The following NOL4 variants were observed in gnomAD, a reference collection of about 807,000 sequenced individuals.
NOL4 encodes nucleolar protein 4.
NOL4 carries 17 observed loss-of-function variants against 75.9 expected under a neutral mutation model. The observed-to-expected ratio is 0.22, with a 90% confidence interval of 0.15 to 0.34. NOL4 has a LOEUF of 0.34. Among genes scored for constraint, NOL4 ranks in the 10% least tolerant of loss-of-function variants. The pLI, the probability that NOL4 is intolerant of heterozygous loss-of-function variation, is 1.00. For synonymous variants in NOL4, 292 were observed against 289.9 expected (o/e 1.01, Z -0.07); for missense variants, 614 against 793.5 (o/e 0.77, Z 2.72).
chr18:34,150,353 T>C (rs2081588128), intron 1 of NOL4, among the ~76,000 whole-genome samples: 1 of 151,680 alleles, frequency 6.6e-6, no homozygotes. Flanking sequence ...ACTATAAAGC[T>C]GTGGTAATCA....
At chr18:34,148,179 T>G (rs2081487549) in intron 1 of NOL4, among the ~76,000 whole-genome samples, 1 of 151,924 alleles carries the variant, frequency 6.6e-6, no homozygotes, top group African/African-American at 2.4e-5. Context: ...TAGATTCATT[T>G]ATTTTTTGAA....
At chr18:34,209,082 G>T (rs1243873950) in intron 1 of NOL4, among the ~76,000 whole-genome samples, 1 of 149,430 alleles carries the variant, frequency 6.7e-6, no homozygotes, top group Non-Finnish European at 1.5e-5. Context: ...GTGATGGTGG[G>T]TGCCTGTAAT....
At chr18:33,945,487 C>G (rs2068774380) in intron 8 of NOL4, among the ~76,000 whole-genome samples, 1 of 151,640 alleles carries the variant, frequency 6.6e-6, no homozygotes, top group South Asian at 2.1e-4. Context: ...TCAACTTCTA[C>G]TAAAGCAGTA....
At chr18:34,069,896 C>T (rs2077436771) in intron 5 of NOL4, among the ~76,000 whole-genome samples, 1 of 152,222 alleles carries the variant, frequency 6.6e-6, no homozygotes, top group Non-Finnish European at 1.5e-5. Flanking sequence ...GTCCTGCCTC[C>T]AACTTAGGAC....
chr18:34,133,974 G>A (rs920465616), intron 1 of NOL4, among the ~76,000 whole-genome samples: 9 of 152,134 alleles, frequency 5.9e-5, no homozygotes, highest in African/African-American at 2.2e-4. Context: ...AATGAGCTGA[G>A]ATCACGCCAC....
intron 6 of NOL4, among the ~76,000 whole-genome samples, chr18:33,992,022 T>A (rs1051446877): frequency 6.7e-6 from 1 of 148,286 alleles, no homozygotes; most frequent in African/African-American, 2.6e-5. Context: ...TGTGCATAGA[T>A]CTTCTTTAAA....
chr18:34,135,193 G>A (rs1205599067), intron 1 of NOL4, among the ~76,000 whole-genome samples: 4 of 151,680 alleles, frequency 2.6e-5, no homozygotes, highest in African/African-American at 9.7e-5. Flanking sequence ...GAGGAGGGAA[G>A]ACTCAAATTA....
chr18:34,187,220 T>G (rs1222975829), intron 1 of NOL4, among the ~76,000 whole-genome samples: 1 of 152,154 alleles, frequency 6.6e-6, no homozygotes, highest in Non-Finnish European at 1.5e-5. Context: ...TAACAACCAC[T>G]GATACTTTTT....
chr18:34,066,702 C>G (rs1408711917), intron 5 of NOL4, among the ~76,000 whole-genome samples: 1 of 142,526 alleles, frequency 7.0e-6, no homozygotes, highest in East Asian at 2.0e-4. Flanking sequence ...AAAAAAAAAA[C>G]AACACTGAAG....
intron 10 of NOL4, among the ~76,000 whole-genome samples, chr18:33,868,030 A>G (rs1425192527): frequency 2.0e-5 from 3 of 149,702 alleles, no homozygotes; most frequent in Admixed American, 1.3e-4. Flanking sequence ...TACTCGGTCT[A>G]CTGATTCTTT....
intron 1 of NOL4, among the ~76,000 whole-genome samples, chr18:34,169,852 C>T (rs2032841189): frequency 6.6e-6 from 1 of 152,056 alleles, no homozygotes; most frequent in Non-Finnish European, 1.5e-5. Flanking sequence ...TAAGGAACTT[C>T]CTTATCAGAA....
At chr18:33,903,581 T>C (rs2065865116) in intron 9 of NOL4, among the ~76,000 whole-genome samples, 1 of 152,152 alleles carries the variant, frequency 6.6e-6, no homozygotes, top group Admixed American at 6.6e-5. Flanking sequence ...TGGGAAAAGA[T>C]GACAATCAAA....
At chr18:34,050,973 C>A (rs1410939090) in intron 5 of NOL4, among the ~76,000 whole-genome samples, 1 of 152,026 alleles carries the variant, frequency 6.6e-6, no homozygotes, top group Non-Finnish European at 1.5e-5. Context: ...TGAACACAGA[C>A]TCTAATGACA....
intron 2 of NOL4, among the ~76,000 whole-genome samples, chr18:34,109,037 GA>G (rs2079456208): frequency 1.3e-5 from 2 of 151,812 alleles, no homozygotes; most frequent in South Asian, 4.2e-4. Context: ...AATAATAGAA[GA>G]AAAATTGAAA....
chr18:34,175,820 TAAC>T (rs2033495451), intron 1 of NOL4, among the ~76,000 whole-genome samples: 2 of 152,098 alleles, frequency 1.3e-5, no homozygotes, highest in Admixed American at 1.3e-4. Context: ...ACTAAACAAT[TAAC>T]AACTATAAAT....
intron 5 of NOL4, among the ~76,000 whole-genome samples, chr18:34,061,481 G>A (rs2077059021): frequency 6.6e-6 from 1 of 152,112 alleles, no homozygotes; most frequent in Non-Finnish European, 1.5e-5. Flanking sequence ...TACACAAAAT[G>A]AGCTTATGGG....
Position 33,943,024 on chromosome 18 carries a change from G to T in NOL4, c.1542+41C>A, listed in dbSNP as rs375718238. ...AAATCAAATTAAATGAACTACATTT[G>T]CTATAGCTGGTGTTCACCAGACTTC... On this transcript the variant is annotated intron_variant, in intron 9 of 10. Transcript: ENST00000261592. The T allele has an allele frequency of 1.3e-5, 16 of 1,267,464 alleles. No individual in the cohort carries two copies. The African/African-American group carries it at 2.1e-4, about 16-fold the overall frequency. The allele number at this position is 1,267,464 out of a possible 1,614,324, so 78.5% of individuals were successfully genotyped here.
chr18:33,890,727 T>A (rs1384729233), intron 9 of NOL4, among the ~76,000 whole-genome samples: 1 of 152,240 alleles, frequency 6.6e-6, no homozygotes, highest in East Asian at 1.9e-4. Flanking sequence ...GGAGTTTAAC[T>A]TATTAGACAT....
rs554144897 is a variant in NOL4 at position 34,189,402 on chromosome 18, G to A, written c.264+33588C>T. 7.9e-5 allele frequency among the ~76,000 whole-genome samples: 12 copies of A among 152,222 alleles called. No homozygotes were observed. In the South Asian group the frequency reaches 1.5e-3, roughly 18 times the overall value. On this transcript the variant is annotated intron_variant, in intron 1 of 10. Coordinates refer to ENST00000261592, the MANE Select transcript of NOL4 (RefSeq NM_003787.5). ...AAAGGCCCCACCTCTGAACACTGCC[G>A]TGCTGGGGACCAAATTTCCAACACA...
Sources: gnomAD v4.1 joint callset for allele counts (sites outside exome capture counted in the v4.1 genomes callset) on GRCh38, gnomAD v4.1.1 for gene constraint, MANE v1.5 for transcripts, NCBI Gene and HGNC (gene_info 2026-07-23, HGNC 2026-07-21) for gene names.